ANKRD44: variants seen among roughly 807,000 people sequenced by gnomAD.
The protein encoded by ANKRD44 is serine/threonine-protein phosphatase 6 regulatory ankyrin repeat subunit B.
Under a neutral mutation model 116.0 loss-of-function variants are expected in ANKRD44, and 35 were observed. The observed-to-expected ratio is 0.30, with a 90% CI of 0.23 to 0.40. The LOEUF (loss-of-function observed/expected upper bound fraction) is 0.40, where lower values mean the gene tolerates loss of function less well. Among genes scored for constraint, ANKRD44 ranks in the 10% least tolerant of loss-of-function variants. The pLI, the probability that ANKRD44 is intolerant of heterozygous loss-of-function variation, is 1.00. For missense variants in ANKRD44, 1,014 were observed against 1,242.6 expected, an observed-to-expected ratio of 0.82 and a Z score of 2.77; for synonymous variants, 435 against 461.8, an observed-to-expected ratio of 0.94 and a Z score of 0.74.
At chr2:197,088,104 C>A (rs1352994999) in intron 12 of ANKRD44, among the ~76,000 whole-genome samples, 1 of 152,116 alleles carries the variant, frequency 6.6e-6, no homozygotes, top group African/African-American at 2.4e-5. Flanking sequence ...AATGTGTGGT[C>A]ACATATATCA....
chr2:197,162,926 A>G (rs2080004082), intron 2 of ANKRD44, among the ~76,000 whole-genome samples: 1 of 152,216 alleles, frequency 6.6e-6, no homozygotes, highest in Non-Finnish European at 1.5e-5. Context: ...ATGCCACAAT[A>G]AGAAAAGGGT....
intron 1 of ANKRD44, among the ~76,000 whole-genome samples, chr2:197,204,118 T>C (rs1258748943): frequency 6.6e-6 from 1 of 152,178 alleles, no homozygotes; most frequent in African/African-American, 2.4e-5. Context: ...AAAAAAATTA[T>C]GATACATAAA....
chr2:197,062,884 C>T (rs1209080775), intron 16 of ANKRD44, among the ~76,000 whole-genome samples: 1 of 152,230 alleles, frequency 6.6e-6, no homozygotes, highest in East Asian at 1.9e-4. Flanking sequence ...TAGACTCCAC[C>T]TCTGGGGGCA....
At position 196,988,367 on chromosome 2, in the gene ANKRD44, A is replaced by C; in HGVS notation, c.*1224T>G. The C allele has an allele frequency of 2.0e-6, 2 of 985,462 alleles. No individual in the cohort carries two copies. Among genetic ancestry groups the C allele is most frequent in the Non-Finnish European group, 2.4e-6 (2 of 829,936 alleles). 61.0% of individuals were successfully genotyped at this position (985,462 alleles called of 1,614,324 possible). On this transcript the variant is annotated 3_prime_UTR_variant, in exon 28 of 28. Transcript: ENST00000282272. Reference sequence around the variant, plus strand: ...CTCATTAGCAATTTATCTGCTTTTTAAAAATTCATCTTCTCTAAACAAACG... The same window carrying C: ...CTCATTAGCAATTTATCTGCTTTTTCAAAATTCATCTTCTCTAAACAAACG...
chr2:197,211,485 T>G (rs572957852), intron 1 of ANKRD44, among the ~76,000 whole-genome samples: 1 of 152,234 alleles, frequency 6.6e-6, no homozygotes, highest in South Asian at 2.1e-4. Context: ...TTTCCCTACA[T>G]GTCTGCCTGA....
intron 2 of ANKRD44, among the ~76,000 whole-genome samples, chr2:197,156,157 T>C (rs776881180): frequency 1.9e-4 from 29 of 152,058 alleles, no homozygotes; most frequent in East Asian, 3.9e-4. Flanking sequence ...TCATCCTGGC[T>C]AACATGGTGA....
At chr2:197,014,343 A>G (rs2076349513) in intron 17 of ANKRD44, among the ~76,000 whole-genome samples, 2 of 152,242 alleles carry the variant, frequency 1.3e-5, no homozygotes, top group South Asian at 2.1e-4. Flanking sequence ...AGGCTTTGCA[A>G]AATATCTTGC....
intron 21 of ANKRD44, among the ~76,000 whole-genome samples, chr2:197,003,179 T>C (rs1350462100): frequency 6.7e-6 from 1 of 150,024 alleles, no homozygotes; most frequent in African/African-American, 2.4e-5. Flanking sequence ...TGTGTGGTGG[T>C]GCCTGTCTGT....
chr2:196,998,501 A>C, intron 24 of ANKRD44, 82 bp from the exon 25 acceptor site: 1 of 951,606 alleles, frequency 1.1e-6, no homozygotes, highest in Admixed American at 2.1e-5. Context: ...AAACACAATA[A>C]CATATTTAAA....
chr2:197,211,754 G>C (rs767528969), intron 1 of ANKRD44, among the ~76,000 whole-genome samples: 1 of 151,870 alleles, frequency 6.6e-6, no homozygotes, highest in Non-Finnish European at 1.5e-5. Context: ...TTCCCAACTT[G>C]GAGGTTCCAG....
intron 21 of ANKRD44, among the ~76,000 whole-genome samples, chr2:196,980,667 C>T (rs2075794522): frequency 6.6e-6 from 1 of 152,176 alleles, no homozygotes; most frequent in African/African-American, 2.4e-5. Context: ...CAGCTCTTTG[C>T]CATCTGTCAT....
chr2:197,228,925 C>T (rs2081787829), intron 1 of ANKRD44, among the ~76,000 whole-genome samples: 1 of 152,166 alleles, frequency 6.6e-6, no homozygotes, highest in Non-Finnish European at 1.5e-5. Context: ...ATCCCAGCTA[C>T]TTGGGAGGCT....
chr2:197,057,479 A>C (rs1026736027), intron 16 of ANKRD44, among the ~76,000 whole-genome samples: 1 of 151,914 alleles, frequency 6.6e-6, no homozygotes, highest in Non-Finnish European at 1.5e-5. Flanking sequence ...CTGTTTTTGA[A>C]TTTTTTTTTA....
At chr2:197,267,031 T>A (rs1213688344) in intron 1 of ANKRD44, among the ~76,000 whole-genome samples, 1 of 152,126 alleles carries the variant, frequency 6.6e-6, no homozygotes, top group East Asian at 1.9e-4. Flanking sequence ...CCTAGAACAA[T>A]GCCACATCAA....
intron 2 of ANKRD44, among the ~76,000 whole-genome samples, chr2:197,185,008 G>A (rs963297177): frequency 6.6e-6 from 1 of 152,200 alleles, no homozygotes; most frequent in African/African-American, 2.4e-5. Flanking sequence ...ATGTATGACA[G>A]AACAAAAGTT....
chr2:197,304,193 C>G lies in ANKRD44; in HGVS notation c.27+6385G>C, dbSNP rs112995310. On this transcript the variant is annotated intron_variant, in intron 1 of 27. Transcript: ENST00000282272. ...TAGTGGTGCAAGCCTGTAATCCCAGCTACCCGGGAGTCTGAGGCTCAAGAA... is the reference window on the plus strand; with the variant it reads ...TAGTGGTGCAAGCCTGTAATCCCAGGTACCCGGGAGTCTGAGGCTCAAGAA... 1.8e-4 allele frequency among the ~76,000 whole-genome samples: 28 copies of G among 152,226 alleles called. 1 individual carries two copies. The highest frequency in any genetic ancestry group is 6.7e-4 in the African/African-American group (28 of 41,528).
intron 16 of ANKRD44, among the ~76,000 whole-genome samples, chr2:197,071,798 C>T (rs2077564476): frequency 6.6e-6 from 1 of 152,142 alleles, no homozygotes; most frequent in South Asian, 2.1e-4. Flanking sequence ...GCTAAAGTCT[C>T]CCACTATAAT....
intron 2 of ANKRD44, among the ~76,000 whole-genome samples, chr2:197,159,446 C>T (rs192167428): frequency 3.9e-5 from 6 of 152,250 alleles, no homozygotes; most frequent in Admixed American, 3.9e-4. Flanking sequence ...AGTTTACAAA[C>T]AAGAAAATAA....
At chr2:197,100,658 T>G (rs368093348) in intron 9 of ANKRD44, among the ~76,000 whole-genome samples, 1 of 152,194 alleles carries the variant, frequency 6.6e-6, no homozygotes, top group Non-Finnish European at 1.5e-5. Flanking sequence ...CCAAAGGGGA[T>G]GGACAGTTCA....
Sources: allele counts gnomAD v4.1 joint callset (sites outside exome capture counted in the v4.1 genomes callset), GRCh38; gene constraint gnomAD v4.1.1; transcripts MANE v1.5; gene names NCBI Gene and HGNC (gene_info 2026-07-23, HGNC 2026-07-21).